The following GARIN5B variants were observed in gnomAD, a reference collection of about 807,000 sequenced individuals.
GARIN5B encodes the protein Golgi-associated RAB2 interactor protein 5B.
chr19:55,358,156 G>C, the GARIN5B span: 6 of 1,494,868 alleles, frequency 4.0e-6, no homozygotes, highest in South Asian at 7.9e-5. Context: ...TGGGCAGAAG[G>C]TTCAAGACGC....
chr19:55,359,238 G>A, the GARIN5B span: 1 of 1,551,258 alleles, frequency 6.4e-7, no homozygotes, highest in Non-Finnish European at 8.7e-7. Flanking sequence ...TATTCGGTAG[G>A]TGAGGTTGGC....
the GARIN5B span, chr19:55,360,658 TGGGGCCTGG>T: frequency 6.5e-7 from 1 of 1,533,924 alleles, no homozygotes; most frequent in Non-Finnish European, 8.8e-7. Context: ...CCCTCAGCTC[TGGGGCCTGG>T]GCCCTGCCCC....
the GARIN5B span, chr19:55,362,945 A>G: frequency 2.0e-6 from 3 of 1,505,762 alleles, no homozygotes; most frequent in Non-Finnish European, 2.7e-6. Flanking sequence ...GAACATGGGC[A>G]GCGGACGGAG....
At chr19:55,361,235 C>A in the GARIN5B span, 1 of 1,551,016 alleles carries the variant, frequency 6.4e-7, no homozygotes, top group African/African-American at 1.4e-5. Flanking sequence ...CTCAGCAACC[C>A]TGACTGGGAA....
the GARIN5B span, chr19:55,358,783 C>T: frequency 1.9e-5 from 30 of 1,548,840 alleles, no homozygotes; most frequent in Admixed American, 1.2e-4. Flanking sequence ...TGAGGGTGAG[C>T]GCTTCCACAG....
the GARIN5B span, chr19:55,359,397 T>A: frequency 1.3e-6 from 2 of 1,549,598 alleles, no homozygotes; most frequent in Non-Finnish European, 1.7e-6. Context: ...GCTGAGGCCT[T>A]TCGGGGAGAA....
At chr19:55,359,617 G>C in the GARIN5B span, 1 of 1,550,850 alleles carries the variant, frequency 6.4e-7, no homozygotes, top group Non-Finnish European at 8.7e-7. Context: ...TCTGGGACTG[G>C]TCAACAAGGA....
the GARIN5B span, chr19:55,359,630 G>C: frequency 6.4e-7 from 1 of 1,550,804 alleles, no homozygotes; most frequent in Non-Finnish European, 8.7e-7. Context: ...AACAAGGAAC[G>C]GTGCCTTACA....
the GARIN5B span, among the ~76,000 whole-genome samples, chr19:55,355,782 C>G: frequency 6.6e-6 from 1 of 152,162 alleles, no homozygotes; most frequent in African/African-American, 2.4e-5. Context: ...GTCCAGGAGT[C>G]TGAGACTAGC....
At chr19:55,363,157 G>T in the GARIN5B span, 2 of 1,310,444 alleles carry the variant, frequency 1.5e-6, no homozygotes, top group Non-Finnish European at 2.0e-6. The surrounding 1 kb of genome is among the most constrained non-coding windows in gnomAD (Gnocchi z 4.0). Flanking sequence ...GACCCGTGGG[G>T]CTTCACGGGT....
At chr19:55,358,673 G>A in the GARIN5B span, 17 of 1,551,328 alleles carry the variant, frequency 1.1e-5, no homozygotes, top group Admixed American at 2.0e-5. Context: ...CATCATTGAC[G>A]TGGCCGACGC....
At chr19:55,361,271 C>A in the GARIN5B span, 5 of 1,549,040 alleles carry the variant, frequency 3.2e-6, no homozygotes, top group Admixed American at 9.8e-5. Flanking sequence ...GGGTCAGGGA[C>A]CCCAGGGGAG....
chr19:55,361,500 G>A, the GARIN5B span: 3 of 1,426,494 alleles, frequency 2.1e-6, no homozygotes, highest in Non-Finnish European at 2.8e-6. Context: ...CCCAGCGAGA[G>A]GCCTAGGCCC....
the GARIN5B span, chr19:55,360,093 C>T: frequency 0.97 from 557,509 of 576,448 alleles, 271,691 homozygotes; most frequent in Non-Finnish European, 0.99. Context: ...AGGCCCCAGC[C>T]CCTCCTCCCT....
At chr19:55,362,470 G>A in the GARIN5B span, 1 of 1,549,090 alleles carries the variant, frequency 6.5e-7, no homozygotes, top group Non-Finnish European at 8.7e-7. Context: ...AGAGGTCATG[G>A]ACGCAGAGGT....
chr19:55,355,399 G>A, the GARIN5B span: 22 of 1,532,366 alleles, frequency 1.4e-5, no homozygotes, highest in Middle Eastern at 2.1e-4. Context: ...TAGGGAGAGA[G>A]GGGTACCCAG....
At chr19:55,355,262 GGC>G in the GARIN5B span, 1 of 1,535,884 alleles carries the variant, frequency 6.5e-7, no homozygotes, top group Admixed American at 2.0e-5. Flanking sequence ...AAGGGTACCT[GGC>G]AGCGCTGGGC....
chr19:55,355,280 T>C, the GARIN5B span: 1 of 1,538,072 alleles, frequency 6.5e-7, no homozygotes, highest in Non-Finnish European at 8.8e-7. Context: ...TGGGCTCCTC[T>C]GGACAGTTTC....
chr19:55,358,457 G>T, the GARIN5B span: 1 of 1,526,906 alleles, frequency 6.5e-7, no homozygotes. Flanking sequence ...CAGACTGGCA[G>T]AGGTGGGCTT....
Sources: allele counts gnomAD v4.1 joint callset (sites outside exome capture counted in the v4.1 genomes callset), GRCh38; gene constraint gnomAD v4.1.1; non-coding constraint Gnocchi (gnomAD v3.1); transcripts MANE v1.5; gene names NCBI Gene and HGNC (gene_info 2026-07-23, HGNC 2026-07-21).